Variants in PITPNM3 observed in about 807,000 individuals in gnomAD.
PITPNM3 encodes the protein membrane-associated phosphatidylinositol transfer protein 3.
A neutral mutation model predicts 102.0 loss-of-function variants in PITPNM3; 26 were observed. That is an observed-to-expected ratio of 0.25 (90% CI 0.19 to 0.35). The LOEUF (loss-of-function observed/expected upper bound fraction) is 0.35. PITPNM3 is among the 10% of genes least tolerant of loss of function. PITPNM3 has a pLI of 1.00. For synonymous variants in PITPNM3, 578 were observed against 558.6 expected (o/e 1.03, Z -0.49); for missense variants, 1,083 against 1,346.1 (o/e 0.80, Z 3.06).
intron 19 of PITPNM3, among the ~76,000 whole-genome samples, chr17:6,456,727 C>T (rs1375488458): frequency 6.6e-6 from 1 of 152,136 alleles, no homozygotes; most frequent in African/African-American, 2.4e-5. Context: ...TTGACATGCC[C>T]CAGAGGGAGG....
intron 2 of PITPNM3, among the ~76,000 whole-genome samples, chr17:6,535,659 C>T (rs1002648050): frequency 3.3e-5 from 5 of 152,116 alleles, no homozygotes; most frequent in African/African-American, 1.2e-4. Context: ...TGGCTCACAC[C>T]TGTAATCCCA....
chr17:6,503,426 C>T (rs1907302774), intron 4 of PITPNM3, 101 bp downstream of exon 4: 4 of 1,362,852 alleles, frequency 2.9e-6, no homozygotes, highest in Non-Finnish European at 3.1e-6. Flanking sequence ...GGGATCCTGC[C>T]ATCCTTTCAG....
chr17:6,498,439 T>C (rs551550703), intron 4 of PITPNM3, among the ~76,000 whole-genome samples: 1 of 152,148 alleles, frequency 6.6e-6, no homozygotes, highest in African/African-American at 2.4e-5. Context: ...AGAGGATCCA[T>C]GGGAGAGAAA....
At chr17:6,548,830 G>A (rs895203651) in intron 1 of PITPNM3, among the ~76,000 whole-genome samples, 1 of 152,106 alleles carries the variant, frequency 6.6e-6, no homozygotes. Context: ...AGGCCTCTCA[G>A]ATCCACCAGA....
At chr17:6,509,635 C>G (rs939963587) in intron 3 of PITPNM3, among the ~76,000 whole-genome samples, 1 of 151,870 alleles carries the variant, frequency 6.6e-6, no homozygotes, top group Non-Finnish European at 1.5e-5. Context: ...TCAGGCCACT[C>G]CCAACATGGA....
In PITPNM3 at chr17:6,452,099, G is replaced by A. The variant is rs11078630; in HGVS notation, c.*3239C>T. The A allele has an allele frequency of 0.25, 38,192 of 152,018 alleles. 5,216 individuals carry two copies. The highest frequency in any genetic ancestry group is 0.57 in the East Asian group (2,961 of 5,154). 9.4% of individuals were successfully genotyped at this position (152,018 alleles called of 1,614,324 possible). On this transcript the variant is annotated 3_prime_UTR_variant, in exon 20 of 20. Transcript: ENST00000262483. Reference sequence around the variant, plus strand: ...CCTCGCCTCTTCTAGACAGCCCACCGCCAGGAATCTCTGGAATACTGGGAT... The same window carrying A: ...CCTCGCCTCTTCTAGACAGCCCACCACCAGGAATCTCTGGAATACTGGGAT...
intron 14 of PITPNM3, among the ~76,000 whole-genome samples, chr17:6,465,988 C>G (rs1040601119): frequency 1.3e-5 from 2 of 152,204 alleles, no homozygotes; most frequent in African/African-American, 4.8e-5. Context: ...CTACTAACAC[C>G]CTCCCGGGCT....
At position 6,483,525 on chromosome 17, in the gene PITPNM3, A is replaced by T; in HGVS notation, c.579T>A (p.Leu193=). Residue 193 remains leucine (L), a synonymous_variant, in exon 6 of 20, where the codon CTT becomes CTA. Transcript: ENST00000262483. ...CPAICSEAFS[L]VSHLNPYSHD... ...AGCAGAAATGGACTCACTGAGAGACAAGCGAGAAAGCCTCAGAGCAGATGG... is the reference window on the plus strand; with the variant it reads ...AGCAGAAATGGACTCACTGAGAGACTAGCGAGAAAGCCTCAGAGCAGATGG... The T allele has an allele frequency of 6.2e-7, 1 of 1,613,498 alleles. No individual in the cohort carries two copies. The highest frequency in any genetic ancestry group is 8.5e-7 in the Non-Finnish European group (1 of 1,179,672).
At chr17:6,533,120 G>A (rs189908275) in intron 2 of PITPNM3, among the ~76,000 whole-genome samples, 282 of 152,070 alleles carry the variant, frequency 1.9e-3, no homozygotes, top group African/African-American at 6.3e-3. Flanking sequence ...GCTCCACCAT[G>A]CCCAGCTAAT....
chr17:6,542,155 C>T (rs140836229), intron 1 of PITPNM3, among the ~76,000 whole-genome samples: 9 of 152,374 alleles, frequency 5.9e-5, no homozygotes, highest in African/African-American at 2.2e-4. Context: ...CCCCTGGCTC[C>T]TCATGGGGGC....
chr17:6,451,892 C>CCCCCCCCCA lies in PITPNM3; in HGVS notation c.*3445_*3446insTGGGGGGGG, dbSNP rs55984944. The CCCCCCCCCA allele has an allele frequency of 1.1e-5, 1 of 94,520 alleles. No homozygotes were observed. The highest frequency in any genetic ancestry group is 4.2e-5 in the African/African-American group (1 of 23,856). 5.9% of individuals were successfully genotyped at this position (94,520 alleles called of 1,614,324 possible). A position where few individuals can be genotyped will look rare whatever the true frequency, so the allele number is the denominator to read the frequency against. On this transcript the variant is annotated 3_prime_UTR_variant, in exon 20 of 20. Coordinates refer to ENST00000262483, the MANE Select transcript of PITPNM3 (RefSeq NM_031220.4). ...ACCCAAACCCCCCCCCCCCGCCCGC[C>CCCCCCCCCA]GATGGGATTCGGTGGGAAAGTTGGT... is the stretch of plus-strand genomic sequence containing the variant.
At chr17:6,524,138 A>C (rs909698464) in intron 3 of PITPNM3, among the ~76,000 whole-genome samples, 1 of 152,188 alleles carries the variant, frequency 6.6e-6, no homozygotes, top group Non-Finnish European at 1.5e-5. Context: ...TGAGAAAAGG[A>C]ACAGGAACAG....
At chr17:6,506,134 T>C (rs776358103) in intron 3 of PITPNM3, among the ~76,000 whole-genome samples, 2 of 151,902 alleles carry the variant, frequency 1.3e-5, no homozygotes, top group Non-Finnish European at 2.9e-5. Flanking sequence ...GCTTGCAGAC[T>C]CTTCCAAATC....
chr17:6,478,960 G>A lies in PITPNM3; in HGVS notation c.588-224C>T. 2 of 588,274 alleles carry A rather than the reference G, an allele frequency of 3.4e-6. No homozygotes were observed. The highest frequency in any genetic ancestry group is 1.9e-5 in the African/African-American group (1 of 53,792). 36.4% of individuals were successfully genotyped at this position (588,274 alleles called of 1,614,324 possible). On this transcript the variant is annotated intron_variant, in intron 6 of 19. Transcript: ENST00000262483. The surrounding 1 kb of genome is among the most constrained non-coding windows in gnomAD (Gnocchi z 4.4). ...CTGACTCCCTGTGTGTCCTTCCCGT[G>A]CTGGCCATGGGTGTGGGCCCTGGGG...
At chr17:6,547,161 G>A (rs943059735) in intron 1 of PITPNM3, among the ~76,000 whole-genome samples, 1 of 152,200 alleles carries the variant, frequency 6.6e-6, no homozygotes, top group Non-Finnish European at 1.5e-5. Context: ...AAGCTCAGAG[G>A]AGAAAACTGA....
At position 6,483,698 on chromosome 17, in the gene PITPNM3, C is replaced by A; in HGVS notation, c.406G>T (p.Gly136Trp). The change falls in exon 6 of 20, where the codon GGG becomes TGG. Residue 136 changes from glycine to tryptophan, a missense_variant. By Grantham distance (184) the Gly-to-Trp change is radical. Around this residue, in one of 5 missense-constraint regions of PITPNM3, gnomAD observed 290 missense variants for 337.8 expected, o/e 0.86. Transcript: ENST00000262483. ...KTHVLLLVLH[G>W]GNILDTGAGD... is the part of the protein sequence containing the mutation. Reference sequence around the variant, plus strand: ...GCACCCGTGTCCAGGATGTTTCCCCCATGCAGGACCAGCAGGAGGACATGT... The same window carrying A: ...GCACCCGTGTCCAGGATGTTTCCCCAATGCAGGACCAGCAGGAGGACATGT... 6.2e-7 allele frequency: 1 copy of A among 1,614,018 alleles called. No individual in the cohort carries two copies. The highest frequency in any genetic ancestry group is 8.5e-7 in the Non-Finnish European group (1 of 1,180,016).
intron 3 of PITPNM3, among the ~76,000 whole-genome samples, chr17:6,513,164 T>G (rs1907968779): frequency 6.6e-6 from 1 of 151,764 alleles, no homozygotes; most frequent in Non-Finnish European, 1.5e-5. Context: ...ATCAACTAGA[T>G]GAAGGACAAC....
intron 4 of PITPNM3, 74 bp downstream of exon 4, chr17:6,503,453 A>G: frequency 6.6e-7 from 1 of 1,512,840 alleles, no homozygotes; most frequent in Admixed American, 1.7e-5. Flanking sequence ...AGTGGATGAG[A>G]GGGGACCCAG....
In PITPNM3 at chr17:6,537,961, G is replaced by A. The variant is rs1355665977; in HGVS notation, c.118+26C>T. 1.7e-5 allele frequency: 27 copies of A among 1,582,760 alleles called. No individual in the cohort carries two copies. The highest frequency in any genetic ancestry group is 2.3e-5 in the Non-Finnish European group (26 of 1,152,212). The stretch of plus-strand genomic sequence containing the variant: ...GGCTTCTAGGAAGGTCACCCAGCCA[G>A]TGATATGAGACTGGGGTTCACTCAC... On this transcript the variant is annotated intron_variant, in intron 2 of 19. Transcript: ENST00000262483. The surrounding 1 kb of genome is among the most constrained non-coding windows in gnomAD (Gnocchi z 4.4).
Sources: gnomAD v4.1 joint callset for allele counts (sites outside exome capture counted in the v4.1 genomes callset) on GRCh38, gnomAD v4.1.1 for gene constraint, gnomAD v4.1.1 regional missense constraint, Gnocchi (gnomAD v3.1) non-coding constraint, MANE v1.5 for transcripts, NCBI Gene and HGNC (gene_info 2026-07-23, HGNC 2026-07-21) for gene names.